The following ZNF581 variants were observed in gnomAD, a reference collection of about 807,000 sequenced individuals.
The protein encoded by ZNF581 is zinc finger protein 581.
ZNF581 carries 1 observed loss-of-function variant against 1.2 expected under a neutral mutation model. The ratio of observed to expected loss-of-function variants is 0.83; its 90% CI spans 0.30 to 3.95. ZNF581 has a LOEUF of 3.95. Ranked by LOEUF, ZNF581 falls within the 30% of genes most tolerant of loss-of-function variation. ZNF581 has a pLI of 0.18. For synonymous variants in ZNF581, 105 were observed against 109.2 expected, an observed-to-expected ratio of 0.96 and a Z score of 0.24; for missense variants, 273 against 274.6, an observed-to-expected ratio of 0.99 and a Z score of 0.04.
In ZNF581 at chr19:55,644,378, G is replaced by A. The variant is rs1252513682; in HGVS notation, c.-19-175G>A. Among the ~76,000 whole-genome samples the A allele has an allele frequency of 3.9e-5, 6 of 152,130 alleles. No homozygotes were observed. The highest frequency in any genetic ancestry group is 8.8e-5 in the Non-Finnish European group (6 of 68,020). On this transcript the variant is annotated intron_variant, in intron 1 of 1. Coordinates refer to ENST00000270451, the MANE Select transcript of ZNF581 (RefSeq NM_016535.4). The surrounding 1 kb of genome is among the most constrained non-coding windows in gnomAD (Gnocchi z 4.3). ...GAGGTTTTCCAAGGAGGAAGACCCT[G>A]GGGACCTTTTAGGGGGCCACAGACT...
At chr19:55,638,631 C>G (rs1376970981), upstream of ZNF581, among the ~76,000 whole-genome samples, 3 of 152,100 alleles carry the variant, frequency 2.0e-5, no homozygotes, top group African/African-American at 7.2e-5. Flanking sequence ...AAGGATCCAC[C>G]CCCATGATCC....
chr19:55,645,026 G>C lies in ZNF581; in HGVS notation c.455G>C (p.Arg152Pro), dbSNP rs1982768709. Residue 152 changes from arginine to proline, a missense_variant, in exon 2 of 2, where the codon CGC becomes CCC. Transcript: ENST00000270451. ...CCCCACGGCTGCCCGCTCTGCCCTC[G>C]CCGCTTCCGGGATGCGGGTGAGCTG... ...GRPHGCPLCP[R>P]RFRDAGELAQ... is the part of the protein sequence containing the mutation. 6.3e-7 allele frequency: 1 copy of C among 1,590,930 alleles called. No homozygotes were observed. Among genetic ancestry groups the C allele is most frequent in the South Asian group, 1.1e-5 (1 of 89,578 alleles).
upstream of ZNF581, chr19:55,643,228 G>T (rs1982644695): frequency 1.1e-6 from 1 of 944,222 alleles, no homozygotes; most frequent in Non-Finnish European, 1.4e-6. Context: ...GACCAAAGTC[G>T]TTGCCCCTCC....
upstream of ZNF581, among the ~76,000 whole-genome samples, chr19:55,641,454 G>A (rs1982468286): frequency 6.6e-6 from 1 of 152,232 alleles, no homozygotes. Context: ...AAGGGGAGCA[G>A]AGCAAAAGAA....
chr19:55,638,255 G>T (rs1568534544), upstream of ZNF581, among the ~76,000 whole-genome samples: 2 of 151,690 alleles, frequency 1.3e-5, no homozygotes, highest in Non-Finnish European at 2.9e-5. Context: ...TTGTTTGTTT[G>T]TTTAGATGGA....
chr19:55,644,619 C>T lies in ZNF581; in HGVS notation c.48C>T (p.Ser16=), dbSNP rs776646245. 2.1e-5 allele frequency: 34 copies of T among 1,608,612 alleles called. No individual in the cohort carries two copies. The highest frequency in any genetic ancestry group is 1.6e-4 in the Middle Eastern group (1 of 6,066). ...SPCPQPLAFS[S]VETMEGPPRR... ...GCCCTCAGCCTCTGGCATTTTCCTC[C>T]GTTGAGACCATGGAGGGCCCTCCCC... The change falls in exon 2 of 2, where the codon TCC becomes TCT. Residue 16 remains serine, a synonymous_variant. Coordinates refer to ENST00000270451, the MANE Select transcript of ZNF581 (RefSeq NM_016535.4). This position sits in a 1 kb window ranked among gnomAD's most constrained non-coding sequence, Gnocchi z 4.3.
chr19:55,636,628 A>G (rs1982107644), upstream of ZNF581, among the ~76,000 whole-genome samples: 2 of 152,036 alleles, frequency 1.3e-5, no homozygotes, highest in South Asian at 2.1e-4. Flanking sequence ...TGGGCCTTGG[A>G]GAGTGGGGAA....
chr19:55,638,299 C>A (rs1395713291), upstream of ZNF581, among the ~76,000 whole-genome samples: 1 of 152,062 alleles, frequency 6.6e-6, no homozygotes, highest in African/African-American at 2.4e-5. Flanking sequence ...AGTGCAGTGG[C>A]ACAATCTCGG....
At position 55,644,736 on chromosome 19, in the gene ZNF581, T is replaced by C. The variant is rs766069090; in HGVS notation, c.165T>C (p.Leu55=). The C allele has an allele frequency of 1.2e-6, 2 of 1,614,064 alleles. No homozygotes were observed. The highest frequency in any genetic ancestry group is 2.2e-5 in the East Asian group (1 of 44,870). ...SSPPRPNHYL[L]IDTQGVPYTV... is the part of the protein sequence containing the mutation. ...CTCCAAGGCCCAACCACTACCTGCT[T>C]ATTGACACTCAGGGTGTCCCCTACA... Residue 55 remains leucine, a synonymous_variant, in exon 2 of 2, where the codon CTT becomes CTC. Transcript: ENST00000270451. The surrounding 1 kb of genome is among the most constrained non-coding windows in gnomAD (Gnocchi z 4.3).
upstream of ZNF581, chr19:55,643,526 G>A (rs942989081): frequency 6.3e-6 from 1 of 158,200 alleles, no homozygotes; most frequent in Non-Finnish European, 1.4e-5. Flanking sequence ...GGTGGAGACC[G>A]GATCTTCCTC....
chr19:55,644,993 G>C lies in ZNF581; in HGVS notation c.422G>C (p.Gly141Ala), dbSNP rs1982766005. 1 of 1,603,886 alleles carries C rather than the reference G, an allele frequency of 6.2e-7. No homozygotes were observed. The highest frequency in any genetic ancestry group is 8.5e-7 in the Non-Finnish European group (1 of 1,171,928). ...CACCATTCCATTCACCTGGCGGGTG[G>C]TGGGCGGCCCCACGGCTGCCCGCTC... ...ARHHSIHLAG[G>A]GRPHGCPLCP... Residue 141 changes from glycine to alanine, a missense_variant, in exon 2 of 2, where the codon GGT (glycine) becomes GCT (alanine). Coordinates refer to ENST00000270451, the MANE Select transcript of ZNF581 (RefSeq NM_016535.4). This position sits in a 1 kb window ranked among gnomAD's most constrained non-coding sequence, Gnocchi z 4.3.
rs1336355152 is a variant in ZNF581 at position 55,645,222 on chromosome 19, G to C, written c.*57G>C. ...GACTTTGCAGGGAGCCTGGACTCCT[G>C]TCCAGACACCTGGTGAGAGCCTGAG... On this transcript the variant is annotated 3_prime_UTR_variant, in exon 2 of 2. Coordinates refer to ENST00000270451, the MANE Select transcript of ZNF581 (RefSeq NM_016535.4). 1.4e-6 allele frequency: 2 copies of C among 1,437,114 alleles called. No homozygotes were observed. Among genetic ancestry groups the C allele is most frequent in the Non-Finnish European group, 1.9e-6 (2 of 1,070,166 alleles). 89.0% of individuals were successfully genotyped at this position (1,437,114 alleles called of 1,614,324 possible). A position where few individuals can be genotyped will look rare whatever the true frequency, so the allele number is the denominator to read the frequency against.
upstream of ZNF581, chr19:55,640,964 C>T (rs989764659): frequency 3.0e-6 from 3 of 985,344 alleles, no homozygotes; most frequent in Non-Finnish European, 2.4e-6. Context: ...CTCCAGGCGG[C>T]GGAACCTCCG....
rs1266999638 is a variant in ZNF581 at position 55,644,963 on chromosome 19, C to T, written c.392C>T (p.Ala131Val). Residue 131 changes from alanine to valine, a missense_variant, in exon 2 of 2, where the codon GCA becomes GTA. By Grantham distance (64) the Ala-to-Val change is moderately conservative (BLOSUM62 0). Coordinates refer to ENST00000270451, the MANE Select transcript of ZNF581 (RefSeq NM_016535.4). This position sits in a 1 kb window ranked among gnomAD's most constrained non-coding sequence, Gnocchi z 4.3. ...GKAFKRASHL[A>V]RHHSIHLAGG... ...GCATTCAAGCGCGCCAGCCACTTGG[C>T]ACGGCACCATTCCATTCACCTGGCG... 4 of 1,612,144 alleles carry T rather than the reference C, an allele frequency of 2.5e-6. No individual in the cohort carries two copies. The African/African-American group carries it at 5.3e-5, about 21-fold the overall frequency.
In ZNF581 at chr19:55,644,678, C is replaced by T; in HGVS notation, c.107C>T (p.Ser36Phe). ...TGCCGCTCCCCAGAACCTGGACCTT[C>T]CTCCTCCATCGGATCTCCCCAGGCT... is the stretch of plus-strand genomic sequence containing the variant. ...RTCRSPEPGPSSSIGSPQASS... is the reference protein window; with the variant it reads ...RTCRSPEPGPFSSIGSPQASS... Residue 36 changes from serine to phenylalanine, a missense_variant, in exon 2 of 2, where the codon TCC (serine) becomes TTC (phenylalanine). Coordinates refer to ENST00000270451, the MANE Select transcript of ZNF581 (RefSeq NM_016535.4). The surrounding 1 kb of genome is among the most constrained non-coding windows in gnomAD (Gnocchi z 4.3). The T allele has an allele frequency of 6.2e-7, 1 of 1,613,242 alleles. No homozygotes were observed. Among genetic ancestry groups the T allele is most frequent in the Non-Finnish European group, 8.5e-7 (1 of 1,179,612 alleles).
chr19:55,642,478 TC>T (rs765614075), upstream of ZNF581: 1 of 1,408,280 alleles, frequency 7.1e-7, no homozygotes, highest in Non-Finnish European at 9.2e-7. Context: ...TTAACTAATC[TC>T]CCCTCCGCCG....
upstream of ZNF581, chr19:55,642,765 C>T: frequency 6.5e-7 from 1 of 1,544,762 alleles, no homozygotes; most frequent in Non-Finnish European, 8.7e-7. Flanking sequence ...CCAGGAGAGC[C>T]CGGCCCTCGC....
upstream of ZNF581, among the ~76,000 whole-genome samples, chr19:55,638,481 C>T (rs539228717): frequency 4.8e-4 from 73 of 152,212 alleles, 1 homozygote; most frequent in South Asian, 9.1e-3. Flanking sequence ...GTAATCTGCC[C>T]GCCTCGCCCT....
rs1568538850 is a variant in ZNF581, at chr19:55,644,706, AT to A, written c.136del (p.Ser46LeufsTer67). 6.2e-7 allele frequency: 1 copy of A among 1,613,926 alleles called. No homozygotes were observed. Among genetic ancestry groups the A allele is most frequent in the Admixed American group, 1.7e-5 (1 of 59,978 alleles). ...CCTCCATCGGATCTCCCCAGGCTTC[AT>A]CTCCTCCAAGGCCCAACCACTACCT... ...SSSIGSPQAS[S>X]PPRPNHYLLI... On this transcript the variant is annotated frameshift_variant, in exon 2 of 2. Coordinates refer to ENST00000270451, the MANE Select transcript of ZNF581 (RefSeq NM_016535.4). LOFTEE classifies it low-confidence loss of function (END_TRUNC). The surrounding 1 kb of genome is among the most constrained non-coding windows in gnomAD (Gnocchi z 4.3).
Sources: allele counts gnomAD v4.1 joint callset (sites outside exome capture counted in the v4.1 genomes callset), GRCh38; gene constraint gnomAD v4.1.1; non-coding constraint Gnocchi (gnomAD v3.1); transcripts MANE v1.5; gene names NCBI Gene and HGNC (gene_info 2026-07-23, HGNC 2026-07-21).